TNNI3K: variants seen among roughly 807,000 people sequenced by gnomAD.
The protein encoded by TNNI3K is TNNI3 interacting kinase, also known as serine/threonine-protein kinase TNNI3K.
TNNI3K carries 140 observed loss-of-function variants against 114.5 expected under a neutral mutation model. The ratio of observed to expected loss-of-function variants is 1.22; its 90% CI spans 1.07 to 1.41. The LOEUF is 1.41. Ranked by LOEUF, TNNI3K falls within the 40% of genes most tolerant of loss-of-function variation. The pLI is 0.00. For synonymous variants in TNNI3K, 347 were observed against 347.5 expected (o/e 1.00, Z 0.02); for missense variants, 1,125 against 1,007.6 (o/e 1.12, Z -1.58).
intron 23 of TNNI3K, among the ~76,000 whole-genome samples, chr1:74,508,040 T>C (rs1444515454): frequency 6.6e-6 from 1 of 152,220 alleles, no homozygotes; most frequent in Non-Finnish European, 1.5e-5. Context: ...GCAATGTGAT[T>C]GTATACAATG....
intron 5 of TNNI3K, among the ~76,000 whole-genome samples, chr1:74,281,931 A>G (rs1238710470): frequency 6.6e-6 from 1 of 152,032 alleles, no homozygotes; most frequent in Non-Finnish European, 1.5e-5. Flanking sequence ...TCCTAATTGC[A>G]GTGGTTGATA....
chr1:74,429,483 A>G (rs1019653339), intron 17 of TNNI3K, among the ~76,000 whole-genome samples: 2 of 152,094 alleles, frequency 1.3e-5, no homozygotes, highest in African/African-American at 2.4e-5. Flanking sequence ...CAGGTATCCC[A>G]TTGAGTTTGG....
At chr1:74,528,629 A>T (rs938738964) in intron 23 of TNNI3K, among the ~76,000 whole-genome samples, 1 of 152,160 alleles carries the variant, frequency 6.6e-6, no homozygotes, top group Non-Finnish European at 1.5e-5. Context: ...GAGAATGAAA[A>T]CTAGAGTCAA....
intron 4 of TNNI3K, among the ~76,000 whole-genome samples, chr1:74,254,227 A>G (rs1045474253): frequency 6.6e-6 from 1 of 152,188 alleles, no homozygotes; most frequent in Non-Finnish European, 1.5e-5. Context: ...TTCAGTCTTC[A>G]TTTCCTAAGA....
In TNNI3K at chr1:74,342,541, C is replaced by T. The variant is rs377103528; in HGVS notation, c.683-301C>T. 4.6e-5 allele frequency among the ~76,000 whole-genome samples: 7 copies of T among 152,150 alleles called. No homozygotes were observed. The East Asian group carries it at 9.7e-4, about 21-fold the overall frequency. On this transcript the variant is annotated intron_variant, in intron 7 of 24. Coordinates refer to ENST00000326637, the MANE Select transcript of TNNI3K (RefSeq NM_015978.3). ...TGTGATCCTTGTAGAAATAAGGCCA[C>T]GTGTACCTTTTGGATGCTATTAGTT...
At chr1:74,494,811 T>C (rs1036627347) in intron 23 of TNNI3K, among the ~76,000 whole-genome samples, 4 of 152,156 alleles carry the variant, frequency 2.6e-5, no homozygotes, top group African/African-American at 9.7e-5. Flanking sequence ...TAAGGAGAGG[T>C]ACTATTGTCA....
At chr1:74,298,870 T>A (rs532321870) in intron 5 of TNNI3K, among the ~76,000 whole-genome samples, 1 of 152,118 alleles carries the variant, frequency 6.6e-6, no homozygotes, top group Non-Finnish European at 1.5e-5. Flanking sequence ...TAAAAAAGCA[T>A]CAATGTATCT....
At chr1:74,383,650 C>T (rs936584694) in intron 17 of TNNI3K, among the ~76,000 whole-genome samples, 19 of 152,196 alleles carry the variant, frequency 1.2e-4, no homozygotes, top group African/African-American at 4.1e-4. Context: ...GGTACAGGAG[C>T]TGTGGATTTT....
chr1:74,385,734 T>A (rs1263672285), intron 17 of TNNI3K, among the ~76,000 whole-genome samples: 1 of 152,206 alleles, frequency 6.6e-6, no homozygotes, highest in Non-Finnish European at 1.5e-5. Context: ...CTGACAGGAA[T>A]GAAGATGAGA....
At chr1:74,316,588 G>C (rs956210713) in intron 5 of TNNI3K, among the ~76,000 whole-genome samples, 4 of 151,908 alleles carry the variant, frequency 2.6e-5, no homozygotes, top group Admixed American at 2.6e-4. Context: ...ATACAGTTCT[G>C]GTTCAAATGT....
At chr1:74,348,788 C>T (rs1489238425) in intron 9 of TNNI3K, among the ~76,000 whole-genome samples, 1 of 152,050 alleles carries the variant, frequency 6.6e-6, no homozygotes, top group Non-Finnish European at 1.5e-5. Flanking sequence ...CATGATTTGG[C>T]TCTCTGTTTG....
At chr1:74,244,669 A>T (rs899922972) in intron 2 of TNNI3K, among the ~76,000 whole-genome samples, 6 of 149,012 alleles carry the variant, frequency 4.0e-5, no homozygotes, top group Non-Finnish European at 5.9e-5. Flanking sequence ...CATTCAAAGG[A>T]TCCGGGATTT....
intron 5 of TNNI3K, among the ~76,000 whole-genome samples, chr1:74,316,430 A>G (rs1251804738): frequency 6.6e-6 from 1 of 152,044 alleles, no homozygotes; most frequent in African/African-American, 2.4e-5. Context: ...TCTAACCTTC[A>G]TCTCCACTCT....
chr1:74,446,166 A>C (rs1301902466), intron 20 of TNNI3K, among the ~76,000 whole-genome samples: 1 of 152,082 alleles, frequency 6.6e-6, no homozygotes, highest in East Asian at 1.9e-4. Flanking sequence ...ACAGTGTAAA[A>C]GTGTTCCTGT....
chr1:74,474,649 G>A (rs1668101364), intron 21 of TNNI3K, among the ~76,000 whole-genome samples: 1 of 152,142 alleles, frequency 6.6e-6, no homozygotes, highest in South Asian at 2.1e-4. Flanking sequence ...TATTCAGGAA[G>A]AAAAAGGAAG....
chr1:74,305,915 A>C (rs897725821), intron 5 of TNNI3K, among the ~76,000 whole-genome samples: 1 of 152,154 alleles, frequency 6.6e-6, no homozygotes, highest in African/African-American at 2.4e-5. Flanking sequence ...GCACATGTGC[A>C]GGTTACATGA....
chr1:74,536,342 A>G (rs1646660394), intron 23 of TNNI3K, among the ~76,000 whole-genome samples: 1 of 152,194 alleles, frequency 6.6e-6, no homozygotes, highest in Non-Finnish European at 1.5e-5. Context: ...TCCAAAATAC[A>G]GTTTACATAT....
chr1:74,389,744 A>G (rs1663669479), intron 17 of TNNI3K, among the ~76,000 whole-genome samples: 1 of 152,214 alleles, frequency 6.6e-6, no homozygotes, highest in South Asian at 2.1e-4. Flanking sequence ...ATGATTAACC[A>G]TTCATTTAGA....
chr1:74,480,751 G>A (rs1293337905), intron 21 of TNNI3K: 3 of 717,358 alleles, frequency 4.2e-6, no homozygotes, highest in East Asian at 2.7e-5. Context: ...GCTTGCTGAA[G>A]GTGTGATCAG....
Sources: gnomAD v4.1 joint callset for allele counts (sites outside exome capture counted in the v4.1 genomes callset) on GRCh38, gnomAD v4.1.1 for gene constraint, MANE v1.5 for transcripts, NCBI Gene and HGNC (gene_info 2026-07-23, HGNC 2026-07-21) for gene names.